The following KDR variants were observed in gnomAD, a reference collection of about 807,000 sequenced individuals.
KDR encodes kinase insert domain receptor, also known as vascular endothelial growth factor receptor 2.
Under a neutral mutation model 160.9 loss-of-function variants are expected in KDR, and 43 were observed. The observed-to-expected ratio is 0.27, with a 90% CI of 0.21 to 0.34. KDR has a LOEUF of 0.34. Ranked by LOEUF, KDR falls within the 10% of genes least tolerant of loss-of-function variation. The pLI, the probability that KDR is intolerant of heterozygous loss-of-function variation, is 1.00. For synonymous variants in KDR, 617 were observed against 600.1 expected, an observed-to-expected ratio of 1.03 and a Z score of -0.41; for missense variants, 1,469 against 1,666.4, an observed-to-expected ratio of 0.88 and a Z score of 2.06.
intron 3 of KDR, among the ~76,000 whole-genome samples, chr4:55,116,139 T>C (rs1332536905): frequency 2.0e-5 from 3 of 152,150 alleles, no homozygotes; most frequent in Non-Finnish European, 4.4e-5. Context: ...AGATTCTGAC[T>C]GGGTTCTTGG....
chr4:55,102,231 T>C, intron 14 of KDR, 131 bp downstream of exon 14: 2 of 1,301,134 alleles, frequency 1.5e-6, no homozygotes, highest in Non-Finnish European at 2.2e-6. Flanking sequence ...ATTCTAAGTC[T>C]GTGAAATGAG....
In KDR at chr4:55,094,826, G is replaced by A. The variant is rs1720108068; in HGVS notation, c.2947C>T (p.Leu983Phe). Reference sequence around the variant, plus strand: ...CCTTCCTCTTCTTCTACATCACTGAGGGACTTCTCCTCCACAAATCCAGAG... The same window carrying A: ...CCTTCCTCTTCTTCTACATCACTGAAGGACTTCTCCTCCACAAATCCAGAG... The part of the protein sequence containing the change: ...ASSGFVEEKS[L>F]SDVEEEEAPE... The change falls in exon 21 of 30, where the codon CTC becomes TTC. Residue 983 changes from leucine to phenylalanine, a missense_variant. By Grantham distance (22) the Leu-to-Phe change is conservative. Transcript: ENST00000263923. The A allele has an allele frequency of 6.2e-7, 1 of 1,613,770 alleles. No homozygotes were observed. The highest frequency in any genetic ancestry group is 1.7e-5 in the Admixed American group (1 of 59,978).
rs759138161 is a variant in KDR at position 55,095,661 on chromosome 4, T to C, written c.2733A>G (p.Pro911=). Residue 911 remains proline (P), a synonymous_variant, in exon 20 of 30, where the codon CCA becomes CCG. Transcript: ENST00000263923. ...TGCAGAATTCCACAATCACCATGAGTGGCCCTGCAGGCAGCATGTCCAGGA... is the reference window on the plus strand; with the variant it reads ...TGCAGAATTCCACAATCACCATGAGCGGCCCTGCAGGCAGCATGTCCAGGA... ...LLGACTKPGG[P]LMVIVEFCKF... 1 of 1,612,560 alleles carries C rather than the reference T, an allele frequency of 6.2e-7. No homozygotes were observed. The highest frequency in any genetic ancestry group is 1.7e-5 in the Admixed American group (1 of 59,982).
chr4:55,117,151 C>G (rs756486911), intron 3 of KDR, among the ~76,000 whole-genome samples: 32 of 152,278 alleles, frequency 2.1e-4, no homozygotes, highest in Admixed American at 3.3e-4. Flanking sequence ...TAAATCAATT[C>G]TATTTCGGTA....
At chr4:55,105,798 G>C (rs1469674772) in intron 12 of KDR, 34 bp downstream of exon 12, 1 of 1,310,986 alleles carries the variant, frequency 7.6e-7, no homozygotes, top group African/African-American at 1.5e-5. Flanking sequence ...CTGTGTGAGT[G>C]ATCCAACCCA....
intron 27 of KDR, among the ~76,000 whole-genome samples, chr4:55,084,868 G>A (rs919191635): frequency 2.6e-5 from 4 of 152,202 alleles, no homozygotes; most frequent in African/African-American, 7.2e-5. Flanking sequence ...GGTCAGGGGT[G>A]TAAGTACGGG....
chr4:55,116,994 A>C (rs1720752021), intron 3 of KDR, among the ~76,000 whole-genome samples: 1 of 151,396 alleles, frequency 6.6e-6, no homozygotes, highest in Non-Finnish European at 1.5e-5. Flanking sequence ...AAAGACAGGC[A>C]GTGTACCAAT....
At chr4:55,084,175 T>C (rs949267153) in intron 27 of KDR, among the ~76,000 whole-genome samples, 1 of 152,194 alleles carries the variant, frequency 6.6e-6, no homozygotes, top group African/African-American at 2.4e-5. Flanking sequence ...AATGTTTGGA[T>C]TATTATTTTG....
chr4:55,125,458 GGCGTCTGCGGGT>G lies in KDR; in HGVS notation c.-177_-166del. On this transcript the variant is annotated 5_prime_UTR_variant, in exon 1 of 30. Coordinates refer to ENST00000263923, the MANE Select transcript of KDR (RefSeq NM_002253.4). ...CCCGGGCGCCGACCGCGGCTGCAGG[GGCGTCTGCGGGT>G]GCCGGTAGGAGAGGATATCCAGGCT... 1 of 754,672 alleles carries G rather than the reference GGCGTCTGCGGGT, an allele frequency of 1.3e-6. No individual in the cohort carries two copies. The allele number at this position is 754,672 out of a possible 1,614,324, so 46.7% of individuals were successfully genotyped here.
At position 55,104,915 on chromosome 4, in the gene KDR, G is replaced by C; in HGVS notation, c.1715C>G (p.Thr572Ser). ...TEQESVSLWC[T>S]ADRSTFENLT... is the part of the protein sequence containing the mutation. ...GTTCTCAAACGTAGATCTGTCTGCA[G>C]TGCACCACAAAGACACGCTCTCCTG... The change falls in exon 13 of 30, where the codon ACT becomes AGT. Residue 572 changes from threonine (T) to serine (S), a missense_variant. Coordinates refer to ENST00000263923, the MANE Select transcript of KDR (RefSeq NM_002253.4). 6.2e-7 allele frequency: 1 copy of C among 1,613,950 alleles called. No individual in the cohort carries two copies.
chr4:55,105,771 A>G, intron 12 of KDR, 61 bp downstream of exon 12: 1 of 1,004,784 alleles, frequency 1.0e-6, no homozygotes, highest in Non-Finnish European at 1.6e-6. Flanking sequence ...ACAGGGAATT[A>G]CATAGCTTAG....
At position 55,078,507 on chromosome 4, in the gene KDR, A is replaced by C. The variant is rs1311707913; in HGVS notation, c.*1434T>G. ...TCAAGTTTTTCAATGTTCTTTAATA[A>C]AATGACATCAATTGCTGAAAGCATT... On this transcript the variant is annotated 3_prime_UTR_variant, in exon 30 of 30. Transcript: ENST00000263923. The C allele has an allele frequency of 4.3e-6, 1 of 232,396 alleles. No individual in the cohort carries two copies. Among genetic ancestry groups the C allele is most frequent in the Admixed American group, 5.6e-5 (1 of 17,774 alleles). 14.4% of individuals were successfully genotyped at this position (232,396 alleles called of 1,614,324 possible). A position where few individuals can be genotyped will look rare whatever the true frequency, so the allele number is the denominator to read the frequency against.
In KDR at chr4:55,087,652, T is replaced by C. The variant is rs894012405; in HGVS notation, c.3617A>G (p.Glu1206Gly). The change falls in exon 27 of 30, where the codon GAA becomes GGA. Residue 1206 changes from glutamate (E) to glycine (G), a missense_variant. Physicochemically the swap from Glu to Gly is moderately conservative, Grantham distance 98. Coordinates refer to ENST00000263923, the MANE Select transcript of KDR (RefSeq NM_002253.4). ...ATAATGGAATTTGGGGTCACATACT[T>C]CCTCCTCCTCCATACAGGAAACAGG... ...TSPVSCMEEE[E>G]VCDPKFHYDN... 2 of 1,613,512 alleles carry C rather than the reference T, an allele frequency of 1.2e-6. No homozygotes were observed. Among genetic ancestry groups the C allele is most frequent in the Non-Finnish European group, 1.7e-6 (2 of 1,179,570 alleles).
At chr4:55,092,879 T>A (rs556755449) in intron 21 of KDR, among the ~76,000 whole-genome samples, 165 bp from the exon 22 acceptor site, 7 of 152,326 alleles carry the variant, frequency 4.6e-5, no homozygotes, top group African/African-American at 1.7e-4. Flanking sequence ...TGAATCCCAG[T>A]ATCATTAGCC....
chr4:55,123,509 A>G, intron 1 of KDR, among the ~76,000 whole-genome samples: 1 of 152,262 alleles, frequency 6.6e-6, no homozygotes, highest in South Asian at 2.1e-4. Flanking sequence ...AGCTGAGACT[A>G]TGCCATACTA....
chr4:55,122,290 A>G (rs1400805398), intron 1 of KDR, among the ~76,000 whole-genome samples: 1 of 152,144 alleles, frequency 6.6e-6, no homozygotes, highest in Non-Finnish European at 1.5e-5. Flanking sequence ...AGAAAGAAAA[A>G]TTGTCCACTA....
rs144514158 is a variant in KDR at position 55,107,598 on chromosome 4, A to G, written c.1412+139T>C. 113 of 959,094 alleles carry G rather than the reference A, an allele frequency of 1.2e-4. No homozygotes were observed. In the African/African-American group the frequency reaches 1.4e-3, roughly 12 times the overall value. The allele number at this position is 959,094 out of a possible 1,614,324, so 59.4% of individuals were successfully genotyped here. On this transcript the variant is annotated intron_variant, in intron 10 of 29. Coordinates refer to ENST00000263923, the MANE Select transcript of KDR (RefSeq NM_002253.4). The stretch of plus-strand genomic sequence containing the variant: ...CCTAAAATGTAAGACACAGAGAAAG[A>G]TGGATGGAGATTCAGGCTACCTCTT...
intron 11 of KDR, 60 bp from the exon 12 acceptor site, chr4:55,106,000 C>G: frequency 9.7e-7 from 1 of 1,034,156 alleles, no homozygotes; most frequent in Admixed American, 1.7e-5. Context: ...TGCACAAGCA[C>G]TCAGTCCAGC....
Position 55,104,671 on chromosome 4 carries a change from A to G in KDR, c.1959T>C (p.His653=). The change falls in exon 13 of 30, where the codon CAT becomes CAC. Residue 653 remains histidine, a synonymous_variant. Coordinates refer to ENST00000263923, the MANE Select transcript of KDR (RefSeq NM_002253.4). ...GGACTGTGAGCTGCCTGACCACGCA[A>G]TGTCTTTTCTTGGTCTTCCTGTCTT... ...LAQDRKTKKR[H]CVVRQLTVLE... is the part of the protein sequence containing the mutation. The G allele has an allele frequency of 6.2e-7, 1 of 1,613,712 alleles. No homozygotes were observed. Among genetic ancestry groups the G allele is most frequent in the South Asian group, 1.1e-5 (1 of 91,060 alleles).
Sources: gnomAD v4.1 joint callset for allele counts (sites outside exome capture counted in the v4.1 genomes callset) on GRCh38, gnomAD v4.1.1 for gene constraint, MANE v1.5 for transcripts, NCBI Gene and HGNC (gene_info 2026-07-23, HGNC 2026-07-21) for gene names.